TRPV3: variants seen among roughly 807,000 people sequenced by gnomAD.
TRPV3 encodes transient receptor potential cation channel subfamily V member 3.
Under a neutral mutation model 87.1 loss-of-function variants are expected in TRPV3, and 88 were observed. The observed-to-expected ratio is 1.01, with a 90% CI of 0.85 to 1.21. The LOEUF is 1.21. TRPV3 is among the 50% of genes most tolerant of loss of function. TRPV3 has a pLI of 0.00. For missense variants in TRPV3, 1,054 were observed against 1,030.1 expected (o/e 1.02, Z -0.32); for synonymous variants, 438 against 423.3 (o/e 1.03, Z -0.43).
chr17:3,513,720 A>G lies in TRPV3; in HGVS notation c.*197T>C. On this transcript the variant is annotated 3_prime_UTR_variant, in exon 18 of 18. Coordinates refer to ENST00000576742, the MANE Select transcript of TRPV3 (RefSeq NM_145068.4). ...AGCTGTTTGCCAAGTAACAAAATCCAGGATGTTTCCCACTCAGACAAATTG... is the reference window on the plus strand; with the variant it reads ...AGCTGTTTGCCAAGTAACAAAATCCGGGATGTTTCCCACTCAGACAAATTG... The G allele has an allele frequency of 2.0e-6, 1 of 496,250 alleles. No individual in the cohort carries two copies. Among genetic ancestry groups the G allele is most frequent in the Non-Finnish European group, 3.6e-6 (1 of 280,476 alleles). The allele number at this position is 496,250 out of a possible 1,614,324, so 30.7% of individuals were successfully genotyped here. A position where few individuals can be genotyped will look rare whatever the true frequency, so the allele number is the denominator to read the frequency against.
At position 3,530,754 on chromosome 17, in the gene TRPV3, C is replaced by T. The variant is rs2074342265; in HGVS notation, c.1066-551G>A. Among the ~76,000 whole-genome samples the T allele has an allele frequency of 6.6e-6, 1 of 152,156 alleles. No individual in the cohort carries two copies. The highest frequency in any genetic ancestry group is 1.5e-5 in the Non-Finnish European group (1 of 68,024). ...GCTGCATGTTAGGGCTGCTGGGAAACTTAGAAATTCCCACAGCATGGCCAG... is the reference window on the plus strand; with the variant it reads ...GCTGCATGTTAGGGCTGCTGGGAAATTTAGAAATTCCCACAGCATGGCCAG... On this transcript the variant is annotated intron_variant, in intron 8 of 17. Coordinates refer to ENST00000576742, the MANE Select transcript of TRPV3 (RefSeq NM_145068.4). This position sits in a 1 kb window ranked among gnomAD's most constrained non-coding sequence, Gnocchi z 4.0.
At position 3,532,702 on chromosome 17, in the gene TRPV3, A is replaced by T. The variant is rs781045195; in HGVS notation, c.1020T>A (p.Asp340Glu). 6.2e-7 allele frequency: 1 copy of T among 1,614,196 alleles called. No individual in the cohort carries two copies. Among genetic ancestry groups the T allele is most frequent in the East Asian group, 2.2e-5 (1 of 44,866 alleles). Residue 340 changes from aspartate to glutamate, a missense_variant, in exon 8 of 18, where the codon GAT becomes GAA. By Grantham distance (45) the Asp-to-Glu change is conservative (BLOSUM62 2). Transcript: ENST00000576742. ...NWELETTRNN[D>E]GLTPLQLAAK... ...CGGCCAGCTGCAGCGGCGTGAGGCCATCGTTGTTGCGAGTGGTCTCCAGCT... is the reference window on the plus strand; with the variant it reads ...CGGCCAGCTGCAGCGGCGTGAGGCCTTCGTTGTTGCGAGTGGTCTCCAGCT...
At chr17:3,529,568 T>TA (rs554107110) in intron 9 of TRPV3, among the ~76,000 whole-genome samples, 12 of 152,172 alleles carry the variant, frequency 7.9e-5, no homozygotes, top group African/African-American at 2.9e-4. Context: ...CTCTCCCCTC[T>TA]AGCCTCCTCC....
Position 3,530,132 on chromosome 17 carries a change from G to A in TRPV3, c.1137C>T (p.Asp379=). 6.2e-7 allele frequency: 1 copy of A among 1,614,178 alleles called. No homozygotes were observed. The highest frequency in any genetic ancestry group is 8.5e-7 in the Non-Finnish European group (1 of 1,180,014). ...RLRSLSRKFT[D]WAYGPVSSSL... ...AGGATGACACGGGTCCGTACGCCCA[G>A]TCGGTGAACTTCCTGGACAGGCTCC... The change falls in exon 9 of 18, where the codon GAC becomes GAT. Residue 379 remains aspartate (D), a synonymous_variant. Coordinates refer to ENST00000576742, the MANE Select transcript of TRPV3 (RefSeq NM_145068.4). The surrounding 1 kb of genome is among the most constrained non-coding windows in gnomAD (Gnocchi z 4.0).
intron 2 of TRPV3, chr17:3,554,009 G>C (rs1192384624): frequency 6.6e-6 from 1 of 152,424 alleles, no homozygotes; most frequent in African/African-American, 2.4e-5. Flanking sequence ...GCGGAGGGGC[G>C]GGATGGGTGA....
At chr17:3,525,189 T>G (rs2074287214) in intron 12 of TRPV3, among the ~76,000 whole-genome samples, 1 of 152,114 alleles carries the variant, frequency 6.6e-6, no homozygotes, top group Non-Finnish European at 1.5e-5. Context: ...CAGGCTCATT[T>G]TTGTATTTTT....
intron 6 of TRPV3, among the ~76,000 whole-genome samples, chr17:3,538,391 A>G (rs2150797654): frequency 6.6e-6 from 1 of 151,912 alleles, no homozygotes; most frequent in South Asian, 2.1e-4. Context: ...AATGAAAATT[A>G]GAACCTAAAG....
At chr17:3,521,607 G>A (rs911432229) in intron 13 of TRPV3, among the ~76,000 whole-genome samples, 11 of 152,104 alleles carry the variant, frequency 7.2e-5, no homozygotes, top group African/African-American at 2.7e-4. Context: ...ATTGGAAATT[G>A]GAAATCATTT....
chr17:3,516,488 C>T lies in TRPV3; in HGVS notation c.2167G>A (p.Val723Met). The T allele has an allele frequency of 1.2e-6, 2 of 1,614,162 alleles. No homozygotes were observed. The highest frequency in any genetic ancestry group is 1.7e-6 in the Non-Finnish European group (2 of 1,180,012). ...SRFRMGELCKVAEDDFRLCLR... is the reference protein window; with the variant it reads ...SRFRMGELCKMAEDDFRLCLR... ...CACAGTCGGAAATCATCCTCGGCCA[C>T]TTTGCACAGCTCTCCCATCCGGAAT... The change falls in exon 16 of 18, where the codon GTG becomes ATG. Residue 723 changes from valine to methionine, a missense_variant. Coordinates refer to ENST00000576742, the MANE Select transcript of TRPV3 (RefSeq NM_145068.4).
chr17:3,550,900 C>T (rs747332992), intron 2 of TRPV3, among the ~76,000 whole-genome samples: 27 of 152,284 alleles, frequency 1.8e-4, no homozygotes, highest in Admixed American at 6.5e-4. Flanking sequence ...CTCAGGGAGA[C>T]CGAAGGAAAG....
At chr17:3,529,066 C>G in intron 9 of TRPV3, 71 bp from the exon 10 acceptor site, 1 of 1,565,370 alleles carries the variant, frequency 6.4e-7, no homozygotes, top group Non-Finnish European at 8.8e-7. Context: ...TAAAGGCCTG[C>G]GGGAGCTCTG....
chr17:3,526,064 A>T (rs1331872476), intron 12 of TRPV3, among the ~76,000 whole-genome samples: 1 of 152,218 alleles, frequency 6.6e-6, no homozygotes, highest in Non-Finnish European at 1.5e-5. Flanking sequence ...AGTTTCCAAA[A>T]TTATAAAATA....
intron 12 of TRPV3, among the ~76,000 whole-genome samples, chr17:3,525,067 T>TGGA (rs1255020717): frequency 4.6e-5 from 7 of 152,246 alleles, no homozygotes; most frequent in Non-Finnish European, 8.8e-5. Context: ...TCACCTAGGC[T>TGGA]GGAGTACAGT....
At position 3,557,422 on chromosome 17, in the gene TRPV3, C is replaced by T. The variant is rs2074643156; in HGVS notation, c.-3+254G>A. ...GATTGAGATGTCCCTCCCCAGGATT[C>T]CCAAACCTCAGGGGAATGTTCCTGA... On this transcript the variant is annotated intron_variant, in intron 1 of 17. Coordinates refer to ENST00000576742, the MANE Select transcript of TRPV3 (RefSeq NM_145068.4). This position sits in a 1 kb window ranked among gnomAD's most constrained non-coding sequence, Gnocchi z 4.5. 6.6e-6 allele frequency among the ~76,000 whole-genome samples: 1 copy of T among 152,184 alleles called. No individual in the cohort carries two copies. The highest frequency in any genetic ancestry group is 1.5e-5 in the Non-Finnish European group (1 of 68,028).
At chr17:3,525,240 G>T (rs538766508) in intron 12 of TRPV3, among the ~76,000 whole-genome samples, 1 of 152,126 alleles carries the variant, frequency 6.6e-6, no homozygotes, top group Non-Finnish European at 1.5e-5. Flanking sequence ...GGCTGGTCTC[G>T]AACTTCTGAC....
At chr17:3,523,851 A>T (rs1597471220) in intron 13 of TRPV3, among the ~76,000 whole-genome samples, 1 of 152,036 alleles carries the variant, frequency 6.6e-6, no homozygotes, top group Non-Finnish European at 1.5e-5. Context: ...AAAATGTATG[A>T]TAAGTCTTTT....
intron 6 of TRPV3, among the ~76,000 whole-genome samples, chr17:3,541,725 C>T (rs1003116129): frequency 6.6e-6 from 1 of 152,192 alleles, no homozygotes; most frequent in Non-Finnish European, 1.5e-5. Context: ...GCCTTCTTTT[C>T]ATTGCTCAAC....
intron 13 of TRPV3, among the ~76,000 whole-genome samples, chr17:3,522,001 A>G (rs543265790): frequency 1.3e-5 from 2 of 152,262 alleles, no homozygotes; most frequent in South Asian, 4.2e-4. Flanking sequence ...GCTTGAACCC[A>G]GGAGGAAGGG....
At chr17:3,516,714 A>C (rs960931450) in intron 15 of TRPV3, 145 bp from the exon 16 acceptor site, 1 of 662,454 alleles carries the variant, frequency 1.5e-6, no homozygotes, top group Non-Finnish European at 2.7e-6. Context: ...CAGAATTCAA[A>C]GACAAAAAAG....
Sources: allele counts gnomAD v4.1 joint callset (sites outside exome capture counted in the v4.1 genomes callset), GRCh38; gene constraint gnomAD v4.1.1; non-coding constraint Gnocchi (gnomAD v3.1); transcripts MANE v1.5; gene names NCBI Gene and HGNC (gene_info 2026-07-23, HGNC 2026-07-21).